NRXN1: variants seen among roughly 807,000 people sequenced by gnomAD.
NRXN1 encodes neurexin-1.
NRXN1 carries 39 observed loss-of-function variants against 150.9 expected under a neutral mutation model. The observed-to-expected ratio is 0.26, with a 90% CI of 0.20 to 0.34. The LOEUF is 0.34. Ranked by LOEUF, NRXN1 falls within the 10% of genes least tolerant of loss-of-function variation. NRXN1 has a pLI of 1.00. For synonymous variants in NRXN1, 924 were observed against 757.0 expected, an observed-to-expected ratio of 1.22 and a Z score of -3.62; for missense variants, 1,815 against 1,949.9, an observed-to-expected ratio of 0.93 and a Z score of 1.30.
In NRXN1 at chr2:50,315,219, T is replaced by C. The variant is rs547954652; in HGVS notation, c.3365-78249A>G. On this transcript the variant is annotated intron_variant, in intron 17 of 22. Coordinates refer to ENST00000401669, the MANE Select transcript of NRXN1 (RefSeq NM_001330078.2). ...TTTAAGTGCTTAACAATTGAGGTTCTGGCAACTAAAACTGCACAGGCAGCA... is the reference window on the plus strand; with the variant it reads ...TTTAAGTGCTTAACAATTGAGGTTCCGGCAACTAAAACTGCACAGGCAGCA... Among the ~76,000 whole-genome samples the C allele has an allele frequency of 3.3e-5, 5 of 152,070 alleles. No homozygotes were observed. In the South Asian group the frequency reaches 1.0e-3, roughly 31 times the overall value.
intron 17 of NRXN1, among the ~76,000 whole-genome samples, chr2:50,391,799 T>A (rs1572800740): frequency 6.6e-6 from 1 of 152,304 alleles, no homozygotes; most frequent in African/African-American, 2.4e-5. Flanking sequence ...GGCTTAGGGA[T>A]GAATGAGAAA....
chr2:50,226,699 C>G (rs988960832), intron 18 of NRXN1, among the ~76,000 whole-genome samples: 4 of 151,912 alleles, frequency 2.6e-5, no homozygotes, highest in Non-Finnish European at 4.4e-5. Flanking sequence ...GGTTCTCTAT[C>G]AGAACTAGAA....
At chr2:50,480,279 C>A (rs560789931) in intron 15 of NRXN1, among the ~76,000 whole-genome samples, 4 of 152,142 alleles carry the variant, frequency 2.6e-5, no homozygotes, top group Non-Finnish European at 5.9e-5. Context: ...TATCAGTGTG[C>A]GTAGTAATGA....
intron 17 of NRXN1, among the ~76,000 whole-genome samples, chr2:50,384,524 A>T (rs796487213): frequency 1.3e-4 from 19 of 147,836 alleles, no homozygotes; most frequent in African/African-American, 4.3e-4. Context: ...AAAAAAAAAA[A>T]AAAAAAAAAA....
At chr2:50,824,089 AG>A (rs368220286) in intron 5 of NRXN1, among the ~76,000 whole-genome samples, 30 of 152,292 alleles carry the variant, frequency 2.0e-4, no homozygotes, top group African/African-American at 7.2e-4. Context: ...AAGAATTTAG[AG>A]GAAGTCAGAG....
At chr2:50,011,212 G>A (rs771299317) in intron 21 of NRXN1, among the ~76,000 whole-genome samples, 17 of 152,104 alleles carry the variant, frequency 1.1e-4, no homozygotes, top group Non-Finnish European at 2.4e-4. Flanking sequence ...CACAATCTCT[G>A]CAGTCACTAA....
In NRXN1 at chr2:50,620,175, T is replaced by C. The variant is rs1391215366; in HGVS notation, c.1167A>G (p.Ile389Met). 6.2e-7 allele frequency: 1 copy of C among 1,613,304 alleles called. No individual in the cohort carries two copies. The highest frequency in any genetic ancestry group is 8.5e-7 in the Non-Finnish European group (1 of 1,179,558). Reference sequence around the variant, plus strand: ...TTGTGGTAAGAATCCCATCCACTGATATTGTCACCTAGATAACAAAGCACA... The same window carrying C: ...TTGTGGTAAGAATCCCATCCACTGACATTGTCACCTAGATAACAAAGCACA... ...HSGIGHAMVTISVDGILTTTG... is the reference protein window; with the variant it reads ...HSGIGHAMVTMSVDGILTTTG... Residue 389 changes from isoleucine (I) to methionine (M), a missense_variant, in exon 8 of 23, where the codon ATA becomes ATG. Coordinates refer to ENST00000401669, the MANE Select transcript of NRXN1 (RefSeq NM_001330078.2).
At chr2:50,518,621 C>T (rs984178086) in intron 12 of NRXN1, among the ~76,000 whole-genome samples, 8 of 147,904 alleles carry the variant, frequency 5.4e-5, no homozygotes, top group South Asian at 2.2e-4. Flanking sequence ...ATTCCATAAA[C>T]GAAGCCATGG....
chr2:50,027,164 G>A (rs1206450695), intron 21 of NRXN1, among the ~76,000 whole-genome samples: 2 of 151,932 alleles, frequency 1.3e-5, no homozygotes, highest in African/African-American at 4.8e-5. Flanking sequence ...TTACAGGCGT[G>A]AGCCACTGCA....
rs555430296 is a variant in NRXN1, at chr2:50,436,176, G to A, written c.3364+29266C>T. ...ATATAGAAGTGTTTAACACAAGGCT[G>A]GGCATGGTAGCTCACGCCTGTAATC... On this transcript the variant is annotated intron_variant, in intron 17 of 22. Transcript: ENST00000401669. 2.6e-4 allele frequency among the ~76,000 whole-genome samples: 40 copies of A among 152,264 alleles called. 2 individuals carry two copies. In the South Asian group the frequency reaches 7.0e-3, roughly 27 times the overall value.
At chr2:50,842,778 A>G (rs1222196216) in intron 5 of NRXN1, among the ~76,000 whole-genome samples, 1 of 152,144 alleles carries the variant, frequency 6.6e-6, no homozygotes, top group Non-Finnish European at 1.5e-5. Context: ...TGGTATTAGC[A>G]AGACCAATAT....
intron 2 of NRXN1, among the ~76,000 whole-genome samples, chr2:50,945,897 T>TACACAC (rs1334585653): frequency 6.9e-6 from 1 of 143,918 alleles, no homozygotes; most frequent in African/African-American, 2.6e-5. Flanking sequence ...TATATATATA[T>TACACAC]ATACACACAC....
At chr2:50,519,190 C>T (rs1005507581) in intron 12 of NRXN1, among the ~76,000 whole-genome samples, 25 of 151,766 alleles carry the variant, frequency 1.6e-4, no homozygotes, top group Admixed American at 7.9e-4. Flanking sequence ...TGTGAACATT[C>T]GAATGCAATA....
chr2:50,861,852 G>A (rs969837506), intron 5 of NRXN1, among the ~76,000 whole-genome samples: 1 of 152,006 alleles, frequency 6.6e-6, no homozygotes, highest in Non-Finnish European at 1.5e-5. Flanking sequence ...AGTTATAAGT[G>A]TATTAATAGA....
intron 18 of NRXN1, among the ~76,000 whole-genome samples, chr2:50,125,378 T>C (rs1704430158): frequency 6.6e-6 from 1 of 152,158 alleles, no homozygotes; most frequent in African/African-American, 2.4e-5. Context: ...CAGAAATGTA[T>C]TTCCAGAGTT....
intron 17 of NRXN1, among the ~76,000 whole-genome samples, chr2:50,411,323 C>T (rs2083149114): frequency 6.6e-6 from 1 of 152,196 alleles, no homozygotes; most frequent in African/African-American, 2.4e-5. Flanking sequence ...CTCGCTCACT[C>T]AGTGCTCAAT....
intron 17 of NRXN1, among the ~76,000 whole-genome samples, chr2:50,298,978 C>A (rs879824985): frequency 2.0e-5 from 3 of 152,092 alleles, no homozygotes; most frequent in East Asian, 1.9e-4. Flanking sequence ...TCCATAGATA[C>A]GAAATTTTCA....
At chr2:50,626,699 A>G (rs1681149205) in intron 5 of NRXN1, among the ~76,000 whole-genome samples, 1 of 151,936 alleles carries the variant, frequency 6.6e-6, no homozygotes, top group South Asian at 2.1e-4. Context: ...GGAAGAATGG[A>G]AGGACTTCTA....
At chr2:50,371,475 C>G (rs11693745) in intron 17 of NRXN1, among the ~76,000 whole-genome samples, 2 of 151,880 alleles carry the variant, frequency 1.3e-5, no homozygotes, top group Admixed American at 1.3e-4. Context: ...ACAGAAAGAC[C>G]TATATACATT....
Sources: allele counts gnomAD v4.1 joint callset (sites outside exome capture counted in the v4.1 genomes callset), GRCh38; gene constraint gnomAD v4.1.1; transcripts MANE v1.5; gene names NCBI Gene and HGNC (gene_info 2026-07-23, HGNC 2026-07-21).